LONP2: variants seen among roughly 807,000 people sequenced by gnomAD.
The protein encoded by LONP2 is lon protease homolog 2, peroxisomal.
Under a neutral mutation model 85.6 loss-of-function variants are expected in LONP2, and 60 were observed. The observed-to-expected ratio is 0.70, with a 90% CI of 0.57 to 0.87. LONP2 has a LOEUF of 0.87. Ranked by LOEUF, LONP2 falls within the 40% of genes least tolerant of loss-of-function variation. The pLI is 0.00. For synonymous variants in LONP2, 395 were observed against 389.7 expected, an observed-to-expected ratio of 1.01 and a Z score of -0.16; for missense variants, 860 against 1,063.5, an observed-to-expected ratio of 0.81 and a Z score of 2.66.
At chr16:48,302,915 A>T (rs1319330742) in intron 10 of LONP2, among the ~76,000 whole-genome samples, 1 of 152,256 alleles carries the variant, frequency 6.6e-6, no homozygotes, top group Non-Finnish European at 1.5e-5. Flanking sequence ...AAATTGAACT[A>T]GAACTAGGGT....
Position 48,350,256 on chromosome 16 carries a change from C to T in LONP2, c.2338-1325C>T, listed in dbSNP as rs1383848458. 5.9e-5 allele frequency among the ~76,000 whole-genome samples: 9 copies of T among 152,146 alleles called. No individual in the cohort carries two copies. The East Asian group carries it at 9.7e-4, about 16-fold the overall frequency. ...CAAAAAAATTATCCGGATGTGGTGG[C>T]GCATGCCTGTAATCCCAGCTACTCA... On this transcript the variant is annotated intron_variant, in intron 14 of 14. Coordinates refer to ENST00000285737, the MANE Select transcript of LONP2 (RefSeq NM_031490.5).
intron 8 of LONP2, among the ~76,000 whole-genome samples, chr16:48,292,970 C>A (rs566571539): frequency 5.3e-5 from 8 of 152,208 alleles, no homozygotes; most frequent in African/African-American, 1.4e-4. Context: ...GTTTTAAAAA[C>A]CTCCTTCATA....
chr16:48,252,273 C>T lies in LONP2; in HGVS notation c.376C>T (p.Gln126Ter), dbSNP rs769961139. The change falls in exon 2 of 15, where the codon CAG becomes TAG. Residue 126 changes from glutamine (Q) to a stop codon, truncating the protein, a stop_gained. Coordinates refer to ENST00000285737, the MANE Select transcript of LONP2 (RefSeq NM_031490.5). LOFTEE classifies it high-confidence loss of function. Reference sequence around the variant, plus strand: ...GCCATATCCCATTGCTGAAGTGGAGCAGTTGGACCGACTTGAGGAGTTTCC... The same window carrying T: ...GCCATATCCCATTGCTGAAGTGGAGTAGTTGGACCGACTTGAGGAGTTTCC... ...EKPYPIAEVE[Q>*]LDRLEEFPNT... The T allele has an allele frequency of 3.7e-6, 6 of 1,613,984 alleles. No individual in the cohort carries two copies. Among genetic ancestry groups the T allele is most frequent in the Non-Finnish European group, 5.1e-6 (6 of 1,179,976 alleles).
chr16:48,291,435 G>A (rs1340523732), intron 8 of LONP2, among the ~76,000 whole-genome samples: 2 of 152,220 alleles, frequency 1.3e-5, no homozygotes, highest in Non-Finnish European at 2.9e-5. Flanking sequence ...GACATCTATA[G>A]TTCTTCTCTT....
chr16:48,254,853 G>C (rs1971726303), intron 2 of LONP2, among the ~76,000 whole-genome samples: 1 of 152,136 alleles, frequency 6.6e-6, no homozygotes, highest in South Asian at 2.1e-4. Flanking sequence ...CAAATAGTTT[G>C]TACTCAGTAA....
At chr16:48,290,624 G>A (rs1269231487) in intron 8 of LONP2, among the ~76,000 whole-genome samples, 1 of 152,190 alleles carries the variant, frequency 6.6e-6, no homozygotes, top group Non-Finnish European at 1.5e-5. Flanking sequence ...TTTATTAAAA[G>A]AATATTTTAA....
At chr16:48,359,982 AAC>A (rs1475104386), downstream of LONP2, among the ~76,000 whole-genome samples, 2 of 152,244 alleles carry the variant, frequency 1.3e-5, no homozygotes, top group Non-Finnish European at 2.9e-5. Flanking sequence ...AGTAATTAGC[AAC>A]AGTTAACTAC....
chr16:48,300,143 T>C (rs1567330452), intron 10 of LONP2, among the ~76,000 whole-genome samples: 1 of 152,236 alleles, frequency 6.6e-6, no homozygotes, highest in Non-Finnish European at 1.5e-5. Flanking sequence ...ATGGCAAATA[T>C]AGAGACACTT....
Position 48,296,067 on chromosome 16 carries a change from C to A in LONP2, c.1436C>A (p.Ala479Asp). The change falls in exon 9 of 15, where the codon GCC becomes GAC. Residue 479 changes from alanine (A) to aspartate (D), a missense_variant. Ala to Asp is a moderately radical substitution (Grantham distance 126). Coordinates refer to ENST00000285737, the MANE Select transcript of LONP2 (RefSeq NM_031490.5). ...TTCACAGATCATTATCTAAATGTGG[C>A]CTTTGACCTTTCTCAAGTTCTTTTT... ...HNFTDHYLNV[A>D]FDLSQVLFIA... The A allele has an allele frequency of 6.2e-7, 1 of 1,614,100 alleles. No homozygotes were observed. The highest frequency in any genetic ancestry group is 1.1e-5 in the South Asian group (1 of 91,086).
intron 11 of LONP2, among the ~76,000 whole-genome samples, chr16:48,322,429 T>C (rs1973285506): frequency 6.6e-6 from 1 of 152,214 alleles, no homozygotes; most frequent in Admixed American, 6.5e-5. Flanking sequence ...TTCACTGTCT[T>C]CCACTTCCAC....
At chr16:48,266,156 A>G (rs949313279) in intron 6 of LONP2, among the ~76,000 whole-genome samples, 3 of 152,016 alleles carry the variant, frequency 2.0e-5, no homozygotes, top group Non-Finnish European at 2.9e-5. Flanking sequence ...GGCACCTGCC[A>G]TGACACCCGG....
chr16:48,279,855 C>T (rs966612012), intron 8 of LONP2, among the ~76,000 whole-genome samples: 3 of 152,266 alleles, frequency 2.0e-5, no homozygotes, highest in Admixed American at 6.5e-5. Context: ...TGAGCTGCCT[C>T]GTGCTTCCTG....
intron 12 of LONP2, among the ~76,000 whole-genome samples, chr16:48,342,956 C>T (rs150508853): frequency 8.1e-4 from 124 of 152,310 alleles, no homozygotes; most frequent in East Asian, 5.4e-3. Context: ...AGAAGGCCTA[C>T]AAAATTCTTC....
chr16:48,293,155 A>T (rs1019790895), intron 8 of LONP2, among the ~76,000 whole-genome samples: 7 of 152,200 alleles, frequency 4.6e-5, no homozygotes, highest in African/African-American at 1.4e-4. Context: ...CCGGCCAGGC[A>T]TGGTGGCTCA....
chr16:48,307,113 A>G (rs1397210898), intron 11 of LONP2, among the ~76,000 whole-genome samples: 1 of 152,224 alleles, frequency 6.6e-6, no homozygotes, highest in Admixed American at 6.5e-5. Flanking sequence ...CTTAACTGGC[A>G]GTTAAAGAGA....
At chr16:48,256,845 C>A in intron 3 of LONP2, 104 bp downstream of exon 3, 1 of 1,047,148 alleles carries the variant, frequency 9.5e-7, no homozygotes, top group East Asian at 2.5e-5. Flanking sequence ...TATTGGAGAC[C>A]CAAAGTAATT....
intron 8 of LONP2, among the ~76,000 whole-genome samples, chr16:48,279,081 T>C (rs1462285701): frequency 6.6e-6 from 1 of 152,164 alleles, no homozygotes; most frequent in East Asian, 1.9e-4. Context: ...AAGATACTTA[T>C]AGATATATTT....
chr16:48,349,293 T>A (rs1290253592), intron 14 of LONP2, among the ~76,000 whole-genome samples: 1 of 152,012 alleles, frequency 6.6e-6, no homozygotes, highest in Non-Finnish European at 1.5e-5. Flanking sequence ...TCTATCGAGA[T>A]GGAGTCCGGC....
At chr16:48,317,819 C>A (rs973819502) in intron 11 of LONP2, among the ~76,000 whole-genome samples, 3 of 152,234 alleles carry the variant, frequency 2.0e-5, no homozygotes, top group Admixed American at 2.0e-4. Flanking sequence ...CTTGAGCCCC[C>A]TGCTGACCAC....
Sources: gnomAD v4.1 joint callset for allele counts (sites outside exome capture counted in the v4.1 genomes callset) on GRCh38, gnomAD v4.1.1 for gene constraint, MANE v1.5 for transcripts, NCBI Gene and HGNC (gene_info 2026-07-23, HGNC 2026-07-21) for gene names.